Variants in DIAPH2 observed in about 807,000 individuals in gnomAD.
The protein encoded by DIAPH2 is protein diaphanous homolog 2.
Under a neutral mutation model 92.7 loss-of-function variants are expected in DIAPH2, and 35 were observed. That is an observed-to-expected ratio of 0.38 (90% CI 0.29 to 0.50). The LOEUF is 0.50. DIAPH2 is among the 20% of genes least tolerant of loss of function. The pLI is 0.94. For synonymous variants in DIAPH2, 301 were observed against 280.4 expected (o/e 1.07, Z -0.73); for missense variants, 701 against 819.5 (o/e 0.86, Z 1.77).
chrX:96,866,478 T>C (rs1228439255), intron 4 of DIAPH2, among the ~76,000 whole-genome samples: 1 of 112,100 alleles, frequency 8.9e-6, no homozygotes, highest in Admixed American at 9.5e-5. Flanking sequence ...TGCATTAACC[T>C]ACTGAGCTCC....
intron 17 of DIAPH2, among the ~76,000 whole-genome samples, chrX:97,057,514 T>C (rs1162260879): frequency 8.9e-6 from 1 of 111,826 alleles, no homozygotes; most frequent in African/African-American, 3.2e-5. Flanking sequence ...CTGTACTTGG[T>C]GTGCAGGGAA....
Position 97,099,763 on chromosome X carries a change from G to A in DIAPH2, c.2317G>A (p.Asp773Asn). ...AGCAGAGCTTAAGAATGAATATGAT[G>A]ACCTCTGTGAGCCTGAACAATTTGG... ...ELAELKNEYD[D>N]LCEPEQFGVV... The change falls in exon 20 of 27, where the codon GAC (aspartate) becomes AAC (asparagine). Residue 773 changes from aspartate to asparagine, a missense_variant. Transcript: ENST00000324765. 7.6e-6 allele frequency: 9 copies of A among 1,180,822 alleles called. No homozygotes were observed. Among genetic ancestry groups the A allele is most frequent in the Non-Finnish European group, 1.0e-5 (9 of 880,767 alleles).
intron 19 of DIAPH2, among the ~76,000 whole-genome samples, chrX:97,075,828 G>A (rs2066701097): frequency 8.9e-6 from 1 of 111,776 alleles, no homozygotes; most frequent in African/African-American, 3.3e-5. Context: ...TACAAATAAG[G>A]AAACTGAGGT....
chrX:97,507,953 T>C (rs1337409794), intron 26 of DIAPH2, among the ~76,000 whole-genome samples: 1 of 110,929 alleles, frequency 9.0e-6, no homozygotes, highest in Non-Finnish European at 1.9e-5. Flanking sequence ...GCAGATGGTG[T>C]TGGTGATAAA....
At chrX:96,890,336 A>C (rs1253895611) in intron 5 of DIAPH2, among the ~76,000 whole-genome samples, 1 of 111,889 alleles carries the variant, frequency 8.9e-6, no homozygotes. Context: ...GAACTAGATT[A>C]GTGTTTAGGT....
intron 17 of DIAPH2, among the ~76,000 whole-genome samples, chrX:96,969,610 T>C (rs968473476): frequency 1.8e-5 from 2 of 111,507 alleles, no homozygotes; most frequent in Non-Finnish European, 3.8e-5. Flanking sequence ...TACTGAAATT[T>C]TTTATGTGTT....
chrX:96,952,358 C>T (rs1328429877), intron 15 of DIAPH2, among the ~76,000 whole-genome samples: 1 of 111,666 alleles, frequency 9.0e-6, no homozygotes, highest in Non-Finnish European at 1.9e-5. Context: ...TCTTGTCTAC[C>T]TATGAGTGTT....
intron 21 of DIAPH2, among the ~76,000 whole-genome samples, chrX:97,119,775 G>A (rs749421128): frequency 4.5e-5 from 5 of 111,367 alleles, no homozygotes; most frequent in Admixed American, 9.5e-5. Flanking sequence ...TGTACCTACC[G>A]TGGATTATGG....
chrX:97,421,293 T>G (rs879076816), intron 25 of DIAPH2, among the ~76,000 whole-genome samples: 6 of 112,314 alleles, frequency 5.3e-5, no homozygotes, highest in South Asian at 3.7e-4. Context: ...TTGTTTCATG[T>G]TAAATTCTGA....
At chrX:96,779,835 A>T (rs1200998761) in intron 4 of DIAPH2, among the ~76,000 whole-genome samples, 1 of 112,500 alleles carries the variant, frequency 8.9e-6, no homozygotes, top group African/African-American at 3.2e-5. Flanking sequence ...CCTTGTAAAA[A>T]GCTGTTCACC....
chrX:97,245,085 G>A (rs1337359606), intron 22 of DIAPH2, among the ~76,000 whole-genome samples: 2 of 101,756 alleles, frequency 2.0e-5, no homozygotes, highest in Non-Finnish European at 4.0e-5. Flanking sequence ...GTGAGACTCC[G>A]TCTAAAAAAA....
At chrX:97,545,098 AATG>A (rs1335383303) in intron 26 of DIAPH2, among the ~76,000 whole-genome samples, 1 of 110,642 alleles carries the variant, frequency 9.0e-6, no homozygotes, top group African/African-American at 3.3e-5. Context: ...ATCCTAAGTG[AATG>A]ATGCCCTTTT....
At chrX:96,870,336 A>G (rs1374404731) in intron 4 of DIAPH2, among the ~76,000 whole-genome samples, 1 of 109,804 alleles carries the variant, frequency 9.1e-6, no homozygotes, top group African/African-American at 3.3e-5. Context: ...ATCTTGGCTC[A>G]CTGCAAGCTC....
At chrX:97,002,111 G>T (rs1420520641) in intron 17 of DIAPH2, among the ~76,000 whole-genome samples, 1 of 110,658 alleles carries the variant, frequency 9.0e-6, no homozygotes, top group Non-Finnish European at 1.9e-5. Flanking sequence ...TGAGTCTGTT[G>T]TCACTCAGTA....
chrX:97,033,067 C>G (rs996350193), intron 17 of DIAPH2, among the ~76,000 whole-genome samples: 1 of 111,599 alleles, frequency 9.0e-6, no homozygotes, highest in Admixed American at 9.5e-5. Flanking sequence ...TTGAAAGTCT[C>G]AAATTCACTG....
At chrX:97,563,359 G>C (rs1033478015) in intron 26 of DIAPH2, among the ~76,000 whole-genome samples, 1 of 111,744 alleles carries the variant, frequency 8.9e-6, no homozygotes, top group African/African-American at 3.2e-5. Context: ...GAGGTCAGTA[G>C]CATGTCTAAA....
intron 26 of DIAPH2, among the ~76,000 whole-genome samples, chrX:97,587,347 A>G (rs1282693547): frequency 9.0e-6 from 1 of 111,529 alleles, no homozygotes; most frequent in Non-Finnish European, 1.9e-5. Context: ...ATCTCTAGAA[A>G]TAATCTCTTT....
chrX:96,839,633 A>T (rs2064922782), intron 4 of DIAPH2, among the ~76,000 whole-genome samples: 1 of 112,149 alleles, frequency 8.9e-6, no homozygotes, highest in Non-Finnish European at 1.9e-5. Flanking sequence ...TTAAGAGTTT[A>T]ATTAAAGCTA....
intron 4 of DIAPH2, among the ~76,000 whole-genome samples, chrX:96,830,891 T>G (rs2064850156): frequency 9.0e-6 from 1 of 111,583 alleles, no homozygotes; most frequent in Non-Finnish European, 1.9e-5. Flanking sequence ...TTTCGTGATA[T>G]CTACCAAAAT....
Sources: gnomAD v4.1 joint callset for allele counts (sites outside exome capture counted in the v4.1 genomes callset) on GRCh38, gnomAD v4.1.1 for gene constraint, MANE v1.5 for transcripts, NCBI Gene and HGNC (gene_info 2026-07-23, HGNC 2026-07-21) for gene names.